Variants in ITSN1 observed in about 807,000 individuals in gnomAD.
ITSN1 encodes intersectin 1.
A neutral mutation model predicts 239.8 loss-of-function variants in ITSN1; 58 were observed. The observed-to-expected ratio is 0.24, with a 90% CI of 0.20 to 0.30. ITSN1 has a LOEUF of 0.30. Among genes scored for constraint, ITSN1 ranks in the 10% least tolerant of loss-of-function variants. ITSN1 has a pLI of 1.00. For synonymous variants in ITSN1, 780 were observed against 770.8 expected (o/e 1.01, Z -0.20); for missense variants, 1,558 against 2,103.3 (o/e 0.74, Z 5.07).
chr21:33,679,963 G>A (rs1324105114), intron 1 of ITSN1, among the ~76,000 whole-genome samples: 1 of 152,120 alleles, frequency 6.6e-6, no homozygotes, highest in Non-Finnish European at 1.5e-5. Context: ...CTCCCAAAGT[G>A]CTGGGATTAC....
chr21:33,852,550 A>AT (rs1569302914), intron 29 of ITSN1, among the ~76,000 whole-genome samples: 1 of 151,768 alleles, frequency 6.6e-6, no homozygotes, highest in Non-Finnish European at 1.5e-5. Context: ...TTTCCCCGTG[A>AT]TTTTCTCCAG....
chr21:33,794,610 A>T, intron 17 of ITSN1, 142 bp downstream of exon 17: 1 of 1,147,886 alleles, frequency 8.7e-7, no homozygotes, highest in African/African-American at 1.6e-5. Flanking sequence ...GCAAACACAA[A>T]CACGTGTATA....
At chr21:33,740,306 G>A (rs1168458641) in intron 5 of ITSN1, among the ~76,000 whole-genome samples, 1 of 152,114 alleles carries the variant, frequency 6.6e-6, no homozygotes, top group African/African-American at 2.4e-5. Context: ...TGTCTTAGGG[G>A]CAAGCTTAGC....
chr21:33,802,593 T>TAAA (rs11390596), intron 20 of ITSN1, 149 bp downstream of exon 20: 1 of 620,386 alleles, frequency 1.6e-6, no homozygotes, highest in Non-Finnish European at 2.8e-6. Context: ...TTGTGCTTTT[T>TAAA]AAAAAAAAAG....
chr21:33,829,509 C>G (rs993229397), intron 26 of ITSN1, 115 bp from the exon 27 acceptor site: 16 of 1,090,498 alleles, frequency 1.5e-5, no homozygotes, highest in Non-Finnish European at 1.3e-6. Flanking sequence ...AAATCCAGCT[C>G]AATACATTGG....
chr21:33,748,921 A>G (rs558759991), intron 5 of ITSN1, among the ~76,000 whole-genome samples: 8 of 152,106 alleles, frequency 5.3e-5, no homozygotes, highest in African/African-American at 1.4e-4. Flanking sequence ...ACTAAAATTT[A>G]TTTACTCCAC....
intron 34 of ITSN1, among the ~76,000 whole-genome samples, chr21:33,879,578 A>T (rs530750592): frequency 5.9e-5 from 9 of 152,328 alleles, no homozygotes; most frequent in African/African-American, 2.2e-4. Flanking sequence ...GCCGACACAC[A>T]GTCATGTGCA....
intron 26 of ITSN1, 137 bp from the exon 27 acceptor site, chr21:33,829,487 C>T: frequency 1.1e-6 from 1 of 887,078 alleles, no homozygotes; most frequent in South Asian, 1.7e-5. Context: ...GGGAGCCTTA[C>T]TCGTTGGGTA....
chr21:33,772,293 G>A lies in ITSN1; in HGVS notation c.1275G>A (p.Glu425=). ...GGGAGCTAGAACGGCAGAGAGAGGAGGAGAGGAGGAAAGAAATTGAGAGGC... is the reference window on the plus strand; with the variant it reads ...GGGAGCTAGAACGGCAGAGAGAGGAAGAGAGGAGGAAAGAAATTGAGAGGC... ...KQRELERQRE[E]ERRKEIERRE... The change falls in exon 12 of 40, where the codon GAG becomes GAA. Residue 425 remains glutamate, a synonymous_variant. Coordinates refer to ENST00000381318, the MANE Select transcript of ITSN1 (RefSeq NM_003024.3). The A allele has an allele frequency of 2.6e-6, 4 of 1,560,170 alleles. No individual in the cohort carries two copies. Among genetic ancestry groups the A allele is most frequent in the Non-Finnish European group, 3.5e-6 (4 of 1,151,556 alleles).
chr21:33,718,425 C>G (rs1329414178), intron 1 of ITSN1, among the ~76,000 whole-genome samples: 1 of 152,124 alleles, frequency 6.6e-6, no homozygotes, highest in Non-Finnish European at 1.5e-5. Context: ...GACTTTTAAG[C>G]TTACAGAATA....
At chr21:33,662,622 C>T (rs1164567228) in intron 1 of ITSN1, among the ~76,000 whole-genome samples, 2 of 152,124 alleles carry the variant, frequency 1.3e-5, no homozygotes, top group African/African-American at 2.4e-5. Context: ...TTGGTATTAT[C>T]TAGGTACTGG....
intron 24 of ITSN1, among the ~76,000 whole-genome samples, chr21:33,819,971 A>T (rs558663050): frequency 6.6e-6 from 1 of 152,318 alleles, no homozygotes; most frequent in South Asian, 2.1e-4. Flanking sequence ...CCTGGGCGAC[A>T]GAGCGAGACT....
At chr21:33,741,868 C>T (rs1437894926) in intron 5 of ITSN1, among the ~76,000 whole-genome samples, 3 of 124,326 alleles carry the variant, frequency 2.4e-5, no homozygotes, top group Non-Finnish European at 4.8e-5. Flanking sequence ...GCACTCCATC[C>T]TGGGCGACAG....
intron 33 of ITSN1, among the ~76,000 whole-genome samples, chr21:33,867,631 T>G (rs1414888167): frequency 1.0e-5 from 1 of 98,208 alleles, no homozygotes; most frequent in Non-Finnish European, 2.0e-5. Context: ...TGAGACCCTA[T>G]CTCTATTAAA....
intron 7 of ITSN1, chr21:33,754,061 T>A (rs909774096): frequency 2.3e-4 from 35 of 152,186 alleles, no homozygotes. Flanking sequence ...ATGTGATAAG[T>A]GTAATCTGGG....
chr21:33,808,547 T>C (rs2072650985), intron 20 of ITSN1, among the ~76,000 whole-genome samples: 2 of 151,030 alleles, frequency 1.3e-5, no homozygotes, highest in South Asian at 4.2e-4. Flanking sequence ...ATTGTGCCAG[T>C]GTACTCTAGC....
At chr21:33,751,173 T>C (rs951650803) in intron 6 of ITSN1, among the ~76,000 whole-genome samples, 1 of 152,236 alleles carries the variant, frequency 6.6e-6, no homozygotes, top group African/African-American at 2.4e-5. Flanking sequence ...GTGGACATGA[T>C]GGTAGCCCAG....
At chr21:33,746,845 A>G (rs1328673421) in intron 5 of ITSN1, among the ~76,000 whole-genome samples, 1 of 151,396 alleles carries the variant, frequency 6.6e-6, no homozygotes, top group Non-Finnish European at 1.5e-5. Context: ...TCTGTCACAG[A>G]AAAAAAAAGG....
chr21:33,724,283 T>G, intron 4 of ITSN1, among the ~76,000 whole-genome samples: 1 of 152,226 alleles, frequency 6.6e-6, no homozygotes, highest in East Asian at 1.9e-4. Flanking sequence ...TTCTGATCTA[T>G]TAGAGCTAAA....
Sources: gnomAD v4.1 joint callset for allele counts (sites outside exome capture counted in the v4.1 genomes callset) on GRCh38, gnomAD v4.1.1 for gene constraint, MANE v1.5 for transcripts, NCBI Gene and HGNC (gene_info 2026-07-23, HGNC 2026-07-21) for gene names.